SORCS2: variants seen among roughly 807,000 people sequenced by gnomAD.
The protein encoded by SORCS2 is sortilin related VPS10 domain containing receptor 2.
SORCS2 carries 100 observed loss-of-function variants against 141.6 expected under a neutral mutation model. That is an observed-to-expected ratio of 0.71 (90% CI 0.60 to 0.83). SORCS2 has a LOEUF of 0.83. Among genes scored for constraint, SORCS2 ranks in the 40% least tolerant of loss-of-function variants. The pLI is 0.00. For missense variants in SORCS2, 1,646 were observed against 1,560.2 expected, an observed-to-expected ratio of 1.05 and a Z score of -0.93; for synonymous variants, 789 against 676.9, an observed-to-expected ratio of 1.17 and a Z score of -2.57.
rs1721204624 is a variant in SORCS2, at chr4:7,648,207, GA to G, written c.814-5926del. Among the ~76,000 whole-genome samples the G allele has an allele frequency of 1.3e-5, 2 of 152,082 alleles. No homozygotes were observed. The highest frequency in any genetic ancestry group is 2.9e-5 in the Non-Finnish European group (2 of 68,008). ...GACCGCAGAGGAGGAGGAGGAGGAGGAGGAGGAAGACACGGAGGCTGGAGGA... is the reference window on the plus strand; with the variant it reads ...GACCGCAGAGGAGGAGGAGGAGGAGGGGAGGAAGACACGGAGGCTGGAGGA... On this transcript the variant is annotated intron_variant, in intron 4 of 26. Transcript: ENST00000507866. The surrounding 1 kb of genome is among the most constrained non-coding windows in gnomAD (Gnocchi z 4.2).
chr4:7,485,211 A>G (rs867643811), intron 2 of SORCS2, among the ~76,000 whole-genome samples: 4 of 152,278 alleles, frequency 2.6e-5, no homozygotes, highest in South Asian at 4.1e-4. Flanking sequence ...CGGTCCCCAG[A>G]TGAGATCCAG....
At chr4:7,737,812 G>C (rs1712319012) in intron 26 of SORCS2, among the ~76,000 whole-genome samples, 1 of 152,154 alleles carries the variant, frequency 6.6e-6, no homozygotes, top group African/African-American at 2.4e-5. Flanking sequence ...TCGCTGTCAG[G>C]GTCTCTCATG....
chr4:7,638,308 C>T lies in SORCS2; in HGVS notation c.649-20C>T. ...AGAGGGGCACCTGGCCCAGGCCTCA[C>T]AACCCGCTTTGTGTTTCAGGTCATC... On this transcript the variant is annotated intron_variant, in intron 3 of 26. Transcript: ENST00000507866. 1 of 1,497,492 alleles carries T rather than the reference C, an allele frequency of 6.7e-7. No individual in the cohort carries two copies. Among genetic ancestry groups the T allele is most frequent in the Non-Finnish European group, 8.9e-7 (1 of 1,127,976 alleles). The allele number at this position is 1,497,492 out of a possible 1,614,324, so 92.8% of individuals were successfully genotyped here. A position where few individuals can be genotyped will look rare whatever the true frequency, so the allele number is the denominator to read the frequency against.
At chr4:7,561,264 A>G (rs959036820) in intron 3 of SORCS2, among the ~76,000 whole-genome samples, 27 of 152,102 alleles carry the variant, frequency 1.8e-4, no homozygotes, top group Non-Finnish European at 3.5e-4. Flanking sequence ...ACTTTTATCT[A>G]TTGGATCTGA....
rs184429326 is a variant in SORCS2, at chr4:7,586,442, C to T, written c.649-51886C>T. Among the ~76,000 whole-genome samples the T allele has an allele frequency of 1.8e-4, 28 of 152,278 alleles. No homozygotes were observed. The East Asian group carries it at 5.4e-3, about 29-fold the overall frequency. ...TGAACCCATCACCCAGGTATTAAGC[C>T]CAGCATCCATAAGCTATTTTTCCTG... On this transcript the variant is annotated intron_variant, in intron 3 of 26. Transcript: ENST00000507866.
chr4:7,313,237 A>T (rs1203364874), intron 1 of SORCS2, among the ~76,000 whole-genome samples: 1 of 152,244 alleles, frequency 6.6e-6, no homozygotes, highest in East Asian at 1.9e-4. Context: ...ATTTAGCTAA[A>T]CGTGCGCTGT....
chr4:7,396,289 T>C lies in SORCS2; in HGVS notation c.482T>C (p.Val161Ala). The part of the protein sequence containing the change: ...MVHWTGENSS[V>A]ILILTKYYHA... ...TTTTACTTTCTGTTAACACCACAGGTGATCTTGATCCTGACGAAGTACTAC... is the reference window on the plus strand; with the variant it reads ...TTTTACTTTCTGTTAACACCACAGGCGATCTTGATCCTGACGAAGTACTAC... Residue 161 changes from valine to alanine, a missense_variant and splice_region_variant, in exon 2 of 27, where the codon GTG becomes GCG. Coordinates refer to ENST00000507866, the MANE Select transcript of SORCS2 (RefSeq NM_020777.3). The C allele has an allele frequency of 6.2e-7, 1 of 1,613,866 alleles. No individual in the cohort carries two copies. The highest frequency in any genetic ancestry group is 8.5e-7 in the Non-Finnish European group (1 of 1,179,830).
intron 2 of SORCS2, among the ~76,000 whole-genome samples, chr4:7,404,742 G>C (rs1022128273): frequency 6.6e-6 from 1 of 152,000 alleles, no homozygotes; most frequent in Admixed American, 6.6e-5. Flanking sequence ...TCCTTATAAA[G>C]TCTGGATATT....
intron 8 of SORCS2, among the ~76,000 whole-genome samples, chr4:7,674,053 A>G (rs561141624): frequency 2.0e-5 from 3 of 152,300 alleles, no homozygotes; most frequent in East Asian, 3.9e-4. Context: ...AACAGCCACA[A>G]GCCTGCTGCC....
chr4:7,269,078 A>G (rs2108838419), intron 1 of SORCS2, among the ~76,000 whole-genome samples: 1 of 152,200 alleles, frequency 6.6e-6, no homozygotes, highest in East Asian at 1.9e-4. Flanking sequence ...GGAGCCCCAC[A>G]GGCAGCCGAT....
intron 10 of SORCS2, among the ~76,000 whole-genome samples, chr4:7,683,247 GCGGC>G (rs1723647810): frequency 2.4e-5 from 2 of 83,950 alleles, no homozygotes; most frequent in Non-Finnish European, 2.4e-5. Context: ...GATCAGCTGA[GCGGC>G]TCTGCTGACC....
chr4:7,415,273 C>T (rs892268440), intron 2 of SORCS2, among the ~76,000 whole-genome samples: 1 of 152,216 alleles, frequency 6.6e-6, no homozygotes, highest in South Asian at 2.1e-4. Flanking sequence ...CCAGGTCCTA[C>T]TGGGCTCCAG....
intron 1 of SORCS2, among the ~76,000 whole-genome samples, chr4:7,271,394 G>C (rs1715117759): frequency 1.3e-5 from 2 of 152,102 alleles, no homozygotes; most frequent in Admixed American, 6.5e-5. Flanking sequence ...GCTGCCCCTT[G>C]AACCTGCTAG....
At chr4:7,383,123 G>C (rs1305887322) in intron 1 of SORCS2, among the ~76,000 whole-genome samples, 1 of 152,094 alleles carries the variant, frequency 6.6e-6, no homozygotes, top group Non-Finnish European at 1.5e-5. Context: ...TCAAAACAGG[G>C]CCTCGTGTCA....
In SORCS2 at chr4:7,536,374, T is replaced by C. The variant is rs925945048; in HGVS notation, c.648+4745T>C. On this transcript the variant is annotated intron_variant, in intron 3 of 26. Transcript: ENST00000507866. Reference sequence around the variant, plus strand: ...GTGGGAACTCGGGCTGATTTGGTTTTAAATGCATTTAGATGCTGAAAAGCC... The same window carrying C: ...GTGGGAACTCGGGCTGATTTGGTTTCAAATGCATTTAGATGCTGAAAAGCC... Among the ~76,000 whole-genome samples, 6 of 152,370 alleles carry C rather than the reference T, an allele frequency of 3.9e-5. No homozygotes were observed. In the South Asian group the frequency reaches 1.0e-3, roughly 26 times the overall value.
chr4:7,373,361 C>T (rs1722381609), intron 1 of SORCS2, among the ~76,000 whole-genome samples: 1 of 149,206 alleles, frequency 6.7e-6, no homozygotes, highest in South Asian at 2.1e-4. Flanking sequence ...TGCTTATTTG[C>T]CACCCATCTG....
At chr4:7,636,651 G>T (rs1325659536) in intron 3 of SORCS2, among the ~76,000 whole-genome samples, 1 of 152,088 alleles carries the variant, frequency 6.6e-6, no homozygotes, top group African/African-American at 2.4e-5. Context: ...GGATAAGGGT[G>T]TCTCCTCCTA....
In SORCS2 at chr4:7,482,700, C is replaced by T. The variant is rs13115940; in HGVS notation, c.549-48830C>T. ...GCAGTTCAGACCTGTATCCCCACTG[C>T]GGACACCCCTGACGCTGTTCAGACC... On this transcript the variant is annotated intron_variant, in intron 2 of 26. Transcript: ENST00000507866. Among the ~76,000 whole-genome samples, 128 of 97,848 alleles carry T rather than the reference C, an allele frequency of 1.3e-3. 7 individuals carry two copies. The highest frequency in any genetic ancestry group is 9.3e-3 in the East Asian group (24 of 2,570). The allele number at this position is 97,848 out of a possible 152,430, so 64.2% of individuals were successfully genotyped here.
chr4:7,688,207 T>C (rs1013634789), intron 10 of SORCS2, among the ~76,000 whole-genome samples: 2 of 152,144 alleles, frequency 1.3e-5, no homozygotes, highest in Non-Finnish European at 2.9e-5. Flanking sequence ...TGTTAGTAGA[T>C]GATATGATAC....
Sources: gnomAD v4.1 joint callset for allele counts (sites outside exome capture counted in the v4.1 genomes callset) on GRCh38, gnomAD v4.1.1 for gene constraint, Gnocchi (gnomAD v3.1) non-coding constraint, MANE v1.5 for transcripts, NCBI Gene and HGNC (gene_info 2026-07-23, HGNC 2026-07-21) for gene names.